The following CDH13 variants were observed in gnomAD, a reference collection of about 807,000 sequenced individuals.
CDH13 encodes the protein cadherin 13.
CDH13 carries 24 observed loss-of-function variants against 63.8 expected under a neutral mutation model. The observed-to-expected ratio is 0.38, with a 90% CI of 0.27 to 0.53. The LOEUF is 0.53. Ranked by LOEUF, CDH13 falls within the 20% of genes least tolerant of loss-of-function variation. The pLI is 0.85. For synonymous variants in CDH13, 503 were observed against 355.3 expected (o/e 1.42, Z -4.67); for missense variants, 1,049 against 903.1 (o/e 1.16, Z -2.07).
chr16:83,608,576 C>G (rs182267080), intron 8 of CDH13, among the ~76,000 whole-genome samples: 2 of 152,166 alleles, frequency 1.3e-5, no homozygotes, highest in East Asian at 3.9e-4. Context: ...ACCTCAAGCT[C>G]CTGGGCTCAG....
chr16:83,357,992 G>A (rs928983510), intron 6 of CDH13, among the ~76,000 whole-genome samples: 7 of 152,086 alleles, frequency 4.6e-5, no homozygotes, highest in East Asian at 3.9e-4. Context: ...GGCTAGAGGC[G>A]GATGCTATGA....
chr16:83,382,957 A>C (rs1567632232), intron 6 of CDH13: 1 of 152,228 alleles, frequency 6.6e-6, no homozygotes, highest in Non-Finnish European at 1.5e-5. Flanking sequence ...TGCAGTGTGC[A>C]AGACAGACCC....
intron 6 of CDH13, among the ~76,000 whole-genome samples, chr16:83,472,427 A>G (rs2073480063): frequency 6.6e-6 from 1 of 152,198 alleles, no homozygotes; most frequent in African/African-American, 2.4e-5. Context: ...GAGATATGAG[A>G]CTGGGGAGAG....
chr16:83,777,341 G>A (rs1027424252), intron 11 of CDH13, among the ~76,000 whole-genome samples: 6 of 152,236 alleles, frequency 3.9e-5, no homozygotes, highest in Non-Finnish European at 7.3e-5. Context: ...CCTCAGCTCT[G>A]GAGGAGCAGC....
intron 3 of CDH13, among the ~76,000 whole-genome samples, chr16:83,073,651 C>A (rs920623301): frequency 1.3e-5 from 2 of 151,930 alleles, no homozygotes; most frequent in East Asian, 3.9e-4. Flanking sequence ...CTTGACGAAA[C>A]AGAGAAAATG....
intron 3 of CDH13, among the ~76,000 whole-genome samples, chr16:83,092,273 G>C (rs1258677294): frequency 1.3e-5 from 2 of 152,138 alleles, no homozygotes; most frequent in Non-Finnish European, 2.9e-5. Context: ...AGTCCAGTAG[G>C]GTCTGCCTTA....
chr16:83,190,120 C>A (rs2038652005), intron 4 of CDH13, among the ~76,000 whole-genome samples: 1 of 152,196 alleles, frequency 6.6e-6, no homozygotes, highest in South Asian at 2.1e-4. Flanking sequence ...CTAATACACA[C>A]ATCTAACAAG....
chr16:83,547,607 C>G (rs1416812134), intron 7 of CDH13, among the ~76,000 whole-genome samples: 2 of 152,234 alleles, frequency 1.3e-5, no homozygotes, highest in Non-Finnish European at 2.9e-5. Flanking sequence ...CCAGCTCCAT[C>G]CATGTTCCTG....
intron 8 of CDH13, among the ~76,000 whole-genome samples, chr16:83,648,144 A>G (rs2150814945): frequency 6.6e-6 from 1 of 152,132 alleles, no homozygotes; most frequent in South Asian, 2.1e-4. Context: ...CCAAAGCCAT[A>G]CCTTGGAAGG....
At chr16:83,238,736 G>A (rs1401507906) in intron 5 of CDH13, among the ~76,000 whole-genome samples, 2 of 77,076 alleles carry the variant, frequency 2.6e-5, no homozygotes, top group African/African-American at 7.4e-5. Context: ...CTCCATATGT[G>A]TTTTTTTGTT....
chr16:83,400,532 C>T (rs1190041350), intron 6 of CDH13, among the ~76,000 whole-genome samples: 1 of 152,210 alleles, frequency 6.6e-6, no homozygotes, highest in Non-Finnish European at 1.5e-5. Context: ...CTCCCCAATG[C>T]TTTCAAGACA....
intron 1 of CDH13, among the ~76,000 whole-genome samples, chr16:82,651,072 C>T (rs1028928183): frequency 2.0e-5 from 3 of 152,034 alleles, no homozygotes; most frequent in Non-Finnish European, 2.9e-5. Context: ...GGAGGAGAAC[C>T]CTGAGAAAGA....
At chr16:83,002,402 A>C (rs1333424128) in intron 2 of CDH13, among the ~76,000 whole-genome samples, 1 of 152,224 alleles carries the variant, frequency 6.6e-6, no homozygotes, top group South Asian at 2.1e-4. Context: ...AATCTCCTCT[A>C]GAACCTATGG....
chr16:83,573,088 T>C (rs1356684542), intron 7 of CDH13, among the ~76,000 whole-genome samples: 1 of 152,198 alleles, frequency 6.6e-6, no homozygotes, highest in African/African-American at 2.4e-5. Flanking sequence ...ACATTAATAT[T>C]GGTTTTATGA....
intron 2 of CDH13, among the ~76,000 whole-genome samples, chr16:82,966,202 G>T (rs1907789876): frequency 6.6e-6 from 1 of 152,222 alleles, no homozygotes; most frequent in Admixed American, 6.5e-5. Context: ...AGGCTGGAGT[G>T]CAGTGGTGCG....
chr16:82,668,779 C>A (rs760904080), intron 1 of CDH13, among the ~76,000 whole-genome samples: 6 of 152,158 alleles, frequency 3.9e-5, no homozygotes, highest in African/African-American at 1.4e-4. Context: ...CACAGCCCAG[C>A]TGAGTACCTG....
chr16:83,606,844 G>T (rs1402799138), intron 8 of CDH13, among the ~76,000 whole-genome samples: 1 of 151,750 alleles, frequency 6.6e-6, no homozygotes, highest in Non-Finnish European at 1.5e-5. Context: ...CTGCCTTGTG[G>T]TACAATAGGG....
At chr16:82,905,538 A>G (rs1234976464) in intron 2 of CDH13, among the ~76,000 whole-genome samples, 1 of 152,164 alleles carries the variant, frequency 6.6e-6, no homozygotes, top group African/African-American at 2.4e-5. Flanking sequence ...AAAAATATTC[A>G]AAATGATGAC....
At chr16:83,618,831 T>TA (rs11429729) in intron 8 of CDH13, among the ~76,000 whole-genome samples, 10,274 of 148,298 alleles carry the variant, frequency 0.069, 914 homozygotes, top group African/African-American at 0.2. Flanking sequence ...TCCTGTGAGT[T>TA]AAAAAAAAAA....
Sources: gnomAD v4.1 joint callset for allele counts (sites outside exome capture counted in the v4.1 genomes callset) on GRCh38, gnomAD v4.1.1 for gene constraint, MANE v1.5 for transcripts, NCBI Gene and HGNC (gene_info 2026-07-23, HGNC 2026-07-21) for gene names.